The following UNC13C variants were observed in gnomAD, a reference collection of about 807,000 sequenced individuals.
UNC13C encodes unc-13 homolog C.
A neutral mutation model predicts 245.4 loss-of-function variants in UNC13C; 174 were observed. That is an observed-to-expected ratio of 0.71 (90% CI 0.63 to 0.80). The LOEUF (loss-of-function observed/expected upper bound fraction) is 0.80, where lower values mean the gene tolerates loss of function less well. Ranked by LOEUF, UNC13C falls within the 30% of genes least tolerant of loss-of-function variation. UNC13C has a pLI of 0.00. For missense variants in UNC13C, 2,829 were observed against 2,602.9 expected, an observed-to-expected ratio of 1.09 and a Z score of -1.89; for synonymous variants, 992 against 895.1, an observed-to-expected ratio of 1.11 and a Z score of -1.93.
chr15:54,010,649 G>T (rs773102758), intron 1 of UNC13C, among the ~76,000 whole-genome samples: 2 of 152,092 alleles, frequency 1.3e-5, no homozygotes, highest in Non-Finnish European at 2.9e-5. Context: ...GTTTCAAGAA[G>T]GAGGACATAT....
rs1379778602 is a variant in UNC13C at position 54,014,115 on chromosome 15, C to T, written c.1212C>T (p.Ile404=). The change falls in exon 2 of 33, where the codon ATC becomes ATT. Residue 404 remains isoleucine, a synonymous_variant. Coordinates refer to ENST00000260323, the MANE Select transcript of UNC13C (RefSeq NM_001080534.3). ...AACTCAAAGGAACAGGCATTGGAAT[C>T]TCAACAGATATTCTAACTCATGACA... is the stretch of plus-strand genomic sequence containing the variant. The part of the protein sequence containing the change: ...SYKLKGTGIG[I]STDILTHDIR... 2 of 1,613,686 alleles carry T rather than the reference C, an allele frequency of 1.2e-6. No individual in the cohort carries two copies. Among genetic ancestry groups the T allele is most frequent in the African/African-American group, 1.3e-5 (1 of 75,000 alleles).
At chr15:54,134,552 C>T (rs571262805) in intron 2 of UNC13C, among the ~76,000 whole-genome samples, 1 of 151,962 alleles carries the variant, frequency 6.6e-6, no homozygotes, top group Admixed American at 6.6e-5. Context: ...CTCGCTGTCT[C>T]GCTGTCTCCC....
intron 30 of UNC13C, among the ~76,000 whole-genome samples, chr15:54,589,963 G>A (rs920478009): frequency 3.3e-5 from 5 of 152,122 alleles, no homozygotes; most frequent in Non-Finnish European, 1.5e-5. Flanking sequence ...GTTGATTTTT[G>A]TATAAGATGA....
chr15:54,262,193 T>A (rs947683796), intron 8 of UNC13C, among the ~76,000 whole-genome samples: 7 of 152,220 alleles, frequency 4.6e-5, no homozygotes, highest in African/African-American at 1.7e-4. Flanking sequence ...GATGGGCTCT[T>A]CCTGAATTTA....
chr15:53,947,366 GATGA>G, the UNC13C span, among the ~76,000 whole-genome samples: 1 of 152,124 alleles, frequency 6.6e-6, no homozygotes, highest in African/African-American at 2.4e-5. Context: ...TTGTAAAATG[GATGA>G]ATGAACAAAT....
chr15:54,513,763 A>G (rs1224769423), intron 24 of UNC13C, among the ~76,000 whole-genome samples: 1 of 152,044 alleles, frequency 6.6e-6, no homozygotes, highest in Non-Finnish European at 1.5e-5. Flanking sequence ...ATGAATGCCT[A>G]GCTTCTAACG....
chr15:53,838,579 T>C, the UNC13C span, among the ~76,000 whole-genome samples: 4 of 152,050 alleles, frequency 2.6e-5, no homozygotes, highest in Non-Finnish European at 4.4e-5. Flanking sequence ...ATTATACTAA[T>C]TGATTTTTAA....
intron 2 of UNC13C, among the ~76,000 whole-genome samples, chr15:54,120,623 CAT>C (rs1199659218): frequency 2.6e-5 from 4 of 152,028 alleles, no homozygotes; most frequent in Middle Eastern, 3.4e-3. Flanking sequence ...AGCTGCCAAA[CAT>C]AGTGATTTAT....
chr15:54,482,363 T>C (rs886444297), intron 19 of UNC13C, among the ~76,000 whole-genome samples: 10 of 152,130 alleles, frequency 6.6e-5, no homozygotes, highest in Non-Finnish European at 1.3e-4. Context: ...GTGAACTCCT[T>C]CTTTGAATTA....
At chr15:54,605,329 T>C (rs1046541790) in intron 30 of UNC13C, among the ~76,000 whole-genome samples, 1 of 152,066 alleles carries the variant, frequency 6.6e-6, no homozygotes, top group African/African-American at 2.4e-5. Context: ...CAATCCCCAG[T>C]CTTAATGAGG....
intron 24 of UNC13C, among the ~76,000 whole-genome samples, chr15:54,519,189 T>G (rs1263098981): frequency 6.6e-6 from 1 of 152,088 alleles, no homozygotes; most frequent in Non-Finnish European, 1.5e-5. Context: ...ACAATCCGCA[T>G]GTTAGCAATC....
At chr15:53,969,906 CTTCTGT>C in the UNC13C span, among the ~76,000 whole-genome samples, 3 of 152,060 alleles carry the variant, frequency 2.0e-5, no homozygotes, top group African/African-American at 7.2e-5. Context: ...ACTCTTCTGC[CTTCTGT>C]TTCTGAGTTT....
chr15:53,865,428 A>G, the UNC13C span, among the ~76,000 whole-genome samples: 1 of 152,248 alleles, frequency 6.6e-6, no homozygotes, highest in East Asian at 1.9e-4. Context: ...CTGCCTTCCC[A>G]TTGAGTCCGA....
At chr15:54,197,106 C>G (rs2034377893) in intron 4 of UNC13C, among the ~76,000 whole-genome samples, 2 of 152,026 alleles carry the variant, frequency 1.3e-5, no homozygotes, top group African/African-American at 4.8e-5. Flanking sequence ...AAATAGAAAA[C>G]AAAACTTTCA....
intron 4 of UNC13C, among the ~76,000 whole-genome samples, chr15:54,207,894 A>G (rs1209414272): frequency 1.3e-5 from 2 of 152,154 alleles, no homozygotes; most frequent in East Asian, 3.9e-4. Context: ...AATGTAGAAA[A>G]TAAGCATAAT....
At chr15:54,024,774 G>C (rs1270094605) in intron 2 of UNC13C, among the ~76,000 whole-genome samples, 1 of 152,074 alleles carries the variant, frequency 6.6e-6, no homozygotes, top group Non-Finnish European at 1.5e-5. Context: ...AATTAGCCGG[G>C]CGTGGTCCCG....
chr15:54,218,515 C>T (rs1451071687), intron 4 of UNC13C, among the ~76,000 whole-genome samples: 1 of 151,846 alleles, frequency 6.6e-6, no homozygotes, highest in Non-Finnish European at 1.5e-5. Flanking sequence ...AGTATGATGC[C>T]TCCCAAAAAC....
intron 1 of UNC13C, among the ~76,000 whole-genome samples, chr15:53,982,507 G>A (rs1893967074): frequency 6.6e-6 from 1 of 152,048 alleles, no homozygotes; most frequent in Non-Finnish European, 1.5e-5. Context: ...TGATGATATG[G>A]TCTCAGAATA....
intron 8 of UNC13C, among the ~76,000 whole-genome samples, chr15:54,250,681 C>T (rs1177703317): frequency 2.0e-5 from 3 of 150,832 alleles, no homozygotes; most frequent in Non-Finnish European, 4.4e-5. Flanking sequence ...AAATTGCACT[C>T]TCATCCAGCA....
Sources: allele counts gnomAD v4.1 joint callset (sites outside exome capture counted in the v4.1 genomes callset), GRCh38; gene constraint gnomAD v4.1.1; transcripts MANE v1.5; gene names NCBI Gene and HGNC (gene_info 2026-07-23, HGNC 2026-07-21).